The following SPTBN4 variants were observed in gnomAD, a reference collection of about 807,000 sequenced individuals.
SPTBN4 encodes the protein spectrin beta, non-erythrocytic 4, also known as spectrin beta chain, non-erythrocytic 4.
In SPTBN4, 96 loss-of-function variants were observed where a neutral mutation model predicts 277.8. The ratio of observed to expected loss-of-function variants is 0.35; its 90% CI spans 0.29 to 0.41. SPTBN4 has a LOEUF of 0.41. Among genes scored for constraint, SPTBN4 ranks in the 10% least tolerant of loss-of-function variants. The pLI is 1.00. For synonymous variants in SPTBN4, 1,481 were observed against 1,580.3 expected, an observed-to-expected ratio of 0.94 and a Z score of 1.49; for missense variants, 3,006 against 3,595.7, an observed-to-expected ratio of 0.84 and a Z score of 4.19.
rs768607930 is a variant in SPTBN4 at position 40,495,056 on chromosome 19, T to C, written c.668+79T>C. On this transcript the variant is annotated intron_variant, in intron 6 of 35. Coordinates refer to ENST00000598249, the MANE Select transcript of SPTBN4 (RefSeq NM_020971.3). ...GCAGCTGCACACCTGTACATGTACT[T>C]GTGTAGATGGCACACACAGACATAA... The C allele has an allele frequency of 4.2e-4, 547 of 1,316,002 alleles. 1 individual carries two copies. The highest frequency in any genetic ancestry group is 5.5e-4 in the Non-Finnish European group (501 of 917,338). The allele number at this position is 1,316,002 out of a possible 1,614,324, so 81.5% of individuals were successfully genotyped here.
At chr19:40,468,595 G>A (rs2079852241) in intron 1 of SPTBN4, among the ~76,000 whole-genome samples, 1 of 152,106 alleles carries the variant, frequency 6.6e-6, no homozygotes, top group South Asian at 2.1e-4. Flanking sequence ...GGCCAGGCCG[G>A]TCTCGAATTC....
At chr19:40,550,089 A>C (rs2080900601) in intron 21 of SPTBN4, 149 bp from the exon 22 acceptor site, 10 of 624,514 alleles carry the variant, frequency 1.6e-5, no homozygotes, top group African/African-American at 1.8e-5. Context: ...CAAAGAAAAA[A>C]AAAAAACAAA....
At chr19:40,540,444 G>C (rs1228284272) in intron 20 of SPTBN4, among the ~76,000 whole-genome samples, 1 of 151,696 alleles carries the variant, frequency 6.6e-6, no homozygotes, top group Non-Finnish European at 1.5e-5. Context: ...GTCTCACTAT[G>C]TTACCCAGGC....
intron 1 of SPTBN4, among the ~76,000 whole-genome samples, chr19:40,467,748 C>CT (rs1333085399): frequency 6.6e-6 from 1 of 152,082 alleles, no homozygotes; most frequent in Admixed American, 6.6e-5. Context: ...GGCCAGAGGG[C>CT]TAACAGGAGT....
At chr19:40,545,717 G>C (rs1487894428) in intron 20 of SPTBN4, among the ~76,000 whole-genome samples, 1 of 152,022 alleles carries the variant, frequency 6.6e-6, no homozygotes, top group South Asian at 2.1e-4. Context: ...AGACTAGCCT[G>C]GCCAACATGG....
At chr19:40,571,783 G>C in intron 33 of SPTBN4, 1 of 425,354 alleles carries the variant, frequency 2.4e-6, no homozygotes, top group Non-Finnish European at 4.2e-6. Context: ...GTATGGGAGG[G>C]GATAAGGAAG....
At chr19:40,505,887 C>T (rs2080324014) in intron 12 of SPTBN4, among the ~76,000 whole-genome samples, 1 of 151,970 alleles carries the variant, frequency 6.6e-6, no homozygotes, top group Non-Finnish European at 1.5e-5. Flanking sequence ...GACATGGAGG[C>T]AGAGAGTGAG....
chr19:40,529,695 C>G (rs116375127), intron 18 of SPTBN4, among the ~76,000 whole-genome samples: 1 of 152,148 alleles, frequency 6.6e-6, no homozygotes, highest in Non-Finnish European at 1.5e-5. Flanking sequence ...GTCTTCCCCT[C>G]CTTCCCTTGC....
chr19:40,534,448 GAT>G (rs2080712864), intron 20 of SPTBN4, 105 bp downstream of exon 20: 1 of 1,384,162 alleles, frequency 7.2e-7, no homozygotes, highest in African/African-American at 1.5e-5. Flanking sequence ...TTAATACAGG[GAT>G]TTATTTCAAA....
intron 13 of SPTBN4, among the ~76,000 whole-genome samples, chr19:40,509,433 C>G (rs1301546211): frequency 6.6e-6 from 1 of 152,056 alleles, no homozygotes; most frequent in Non-Finnish European, 1.5e-5. Flanking sequence ...TTAGTAGAGA[C>G]TGGGTTTCTC....
chr19:40,514,831 G>A (rs1317876619), intron 14 of SPTBN4, among the ~76,000 whole-genome samples: 1 of 152,196 alleles, frequency 6.6e-6, no homozygotes, highest in Non-Finnish European at 1.5e-5. Context: ...GAGGCTGGGC[G>A]TGGTGGCTCA....
chr19:40,494,858 T>G, intron 5 of SPTBN4, 39 bp from the exon 6 acceptor site: 1 of 1,590,338 alleles, frequency 6.3e-7, no homozygotes, highest in Non-Finnish European at 8.6e-7. Flanking sequence ...CTCCTAACTC[T>G]CCCCATCTCT....
At chr19:40,495,670 A>G (rs185713535) in intron 6 of SPTBN4, among the ~76,000 whole-genome samples, 10 of 152,122 alleles carry the variant, frequency 6.6e-5, no homozygotes, top group Admixed American at 3.9e-4. Flanking sequence ...CACCACCAAA[A>G]AAAAGAAAAG....
At chr19:40,467,630 G>C (rs941330916) in intron 1 of SPTBN4, among the ~76,000 whole-genome samples, 1 of 151,930 alleles carries the variant, frequency 6.6e-6, no homozygotes, top group Non-Finnish European at 1.5e-5. Flanking sequence ...TTGCGGGGGG[G>C]GGGGGGTGTT....
chr19:40,526,115 G>A (rs1391591045), intron 17 of SPTBN4, among the ~76,000 whole-genome samples: 1 of 151,516 alleles, frequency 6.6e-6, no homozygotes, highest in Non-Finnish European at 1.5e-5. Flanking sequence ...AAGTCACTTA[G>A]AGCTTCAGCT....
chr19:40,568,386 A>T (rs1347254787), intron 31 of SPTBN4, 104 bp downstream of exon 31: 1 of 1,412,668 alleles, frequency 7.1e-7, no homozygotes, highest in Non-Finnish European at 9.3e-7. Context: ...AGAACTTCCC[A>T]AAGAAGGAGA....
chr19:40,495,195 T>C (rs2080182430), intron 6 of SPTBN4, among the ~76,000 whole-genome samples: 1 of 152,108 alleles, frequency 6.6e-6, no homozygotes. Flanking sequence ...CCAGGCCACA[T>C]ACCCTGTGCA....
rs925458013 is a variant in SPTBN4 at position 40,497,668 on chromosome 19, C to G, written c.784+64C>G. On this transcript the variant is annotated intron_variant, in intron 7 of 35. Transcript: ENST00000598249. ...GGGACTCCCAACCCCAATGCCATGT[C>G]ACACTCAACTCCATCCCACCCCAGC... 2.3e-6 allele frequency: 3 copies of G among 1,317,746 alleles called. No homozygotes were observed. The African/African-American group carries it at 4.3e-5, about 19-fold the overall frequency. 81.6% of individuals were successfully genotyped at this position (1,317,746 alleles called of 1,614,324 possible).
In SPTBN4 at chr19:40,568,275, G is replaced by C. The variant is rs1187331295; in HGVS notation, c.6949G>C (p.Val2317Leu). The C allele has an allele frequency of 6.2e-7, 1 of 1,603,870 alleles. No homozygotes were observed. Among genetic ancestry groups the C allele is most frequent in the South Asian group, 1.1e-5 (1 of 89,434 alleles). The change falls in exon 31 of 36, where the codon GTC becomes CTC. Residue 2317 changes from valine to leucine, a missense_variant. By Grantham distance (32) the Val-to-Leu change is conservative. Coordinates refer to ENST00000598249, the MANE Select transcript of SPTBN4 (RefSeq NM_020971.3). The part of the protein sequence containing the change: ...EQEMPIRGDL[V>L]KGKATLADIV... ...GGAGATGCCCATCAGAGGAGACCTG[G>C]TCAAGGGGTGAGGTGCCCGCCTTAT...
Sources: allele counts gnomAD v4.1 joint callset (sites outside exome capture counted in the v4.1 genomes callset), GRCh38; gene constraint gnomAD v4.1.1; transcripts MANE v1.5; gene names NCBI Gene and HGNC (gene_info 2026-07-23, HGNC 2026-07-21).